The following ZNF708 variants were observed in gnomAD, a reference collection of about 807,000 sequenced individuals.
The protein encoded by ZNF708 is ZNF15, ZNF15L1.
A neutral mutation model predicts 47.0 loss-of-function variants in ZNF708; 44 were observed. The observed-to-expected ratio is 0.94, with a 90% CI of 0.74 to 1.20. ZNF708 has a LOEUF of 1.20. Among genes scored for constraint, ZNF708 ranks in the 50% most tolerant of loss-of-function variants. The pLI is 0.00. For synonymous variants in ZNF708, 184 were observed against 218.5 expected, an observed-to-expected ratio of 0.84 and a Z score of 1.39; for missense variants, 557 against 656.0, an observed-to-expected ratio of 0.85 and a Z score of 1.65.
rs1244706899 is a variant in ZNF708 at position 21,293,644 on chromosome 19, ATTAC to A, written c.1318_1321del (p.Val440PhefsTer56). ...TTTGTAGGGTTTGTCTTCAGTATGA[ATTAC>A]TTTATGTTTAGTAAGGATTGAGAAT... On this transcript the variant is annotated frameshift_variant, in exon 4 of 4. Coordinates refer to ENST00000356929, the MANE Select transcript of ZNF708 (RefSeq NM_021269.3). LOFTEE classifies it high-confidence loss of function. 6.2e-7 allele frequency: 1 copy of A among 1,612,212 alleles called. No individual in the cohort carries two copies. The highest frequency in any genetic ancestry group is 1.7e-5 in the Admixed American group (1 of 59,884).
At chr19:21,294,765 A>G (rs1428610923) in intron 3 of ZNF708, 26 bp from the exon 4 acceptor site, 2 of 1,536,406 alleles carry the variant, frequency 1.3e-6, no homozygotes, top group Non-Finnish European at 1.7e-6. Flanking sequence ...ATAACAAATT[A>G]TTCCATTTAC....
chr19:21,323,532 T>C (rs1019136867), intron 1 of ZNF708, among the ~76,000 whole-genome samples: 1 of 152,262 alleles, frequency 6.6e-6, no homozygotes, highest in Non-Finnish European at 1.5e-5. Context: ...AGCCTTTGTC[T>C]GCCTGAACTT....
At chr19:21,307,546 C>T (rs939738516) in intron 3 of ZNF708, among the ~76,000 whole-genome samples, 2 of 151,826 alleles carry the variant, frequency 1.3e-5, no homozygotes, top group African/African-American at 2.4e-5. Flanking sequence ...CACTTGAACC[C>T]GGGAGGCGGA....
At chr19:21,310,454 A>T (rs777312353) in intron 2 of ZNF708, 47 bp downstream of exon 2, 36 of 941,536 alleles carry the variant, frequency 3.8e-5, no homozygotes, top group Middle Eastern at 4.6e-4. Context: ...CAAAAAAAAA[A>T]ATAATAATAA....
At chr19:21,326,779 A>T (rs1452097413) in intron 1 of ZNF708, among the ~76,000 whole-genome samples, 1 of 152,024 alleles carries the variant, frequency 6.6e-6, no homozygotes, top group Non-Finnish European at 1.5e-5. Context: ...AAAAAATACA[A>T]AAATTAGCTG....
intron 3 of ZNF708, among the ~76,000 whole-genome samples, chr19:21,305,052 C>A (rs902798036): frequency 6.6e-6 from 1 of 151,664 alleles, no homozygotes; most frequent in East Asian, 1.9e-4. Context: ...CGCTCTGTTG[C>A]CAGGCTGGAG....
intron 3 of ZNF708, among the ~76,000 whole-genome samples, chr19:21,302,232 CATA>C (rs1195141258): frequency 3.3e-5 from 5 of 152,058 alleles, no homozygotes; most frequent in African/African-American, 1.2e-4. Context: ...TATTTACTAT[CATA>C]ATGATGGTAC....
chr19:21,328,007 T>C, intron 1 of ZNF708: 1 of 997,250 alleles, frequency 1.0e-6, no homozygotes, highest in African/African-American at 1.7e-5. Flanking sequence ...TGATATTCAC[T>C]AGACACTCTA....
intron 1 of ZNF708, among the ~76,000 whole-genome samples, chr19:21,313,874 T>C (rs1972953300): frequency 6.6e-6 from 1 of 152,202 alleles, no homozygotes; most frequent in Non-Finnish European, 1.5e-5. Flanking sequence ...TTTACTTTTT[T>C]GTGACTTGTG....
chr19:21,322,591 C>G (rs933695375), intron 1 of ZNF708, among the ~76,000 whole-genome samples: 1 of 152,176 alleles, frequency 6.6e-6, no homozygotes, highest in African/African-American at 2.4e-5. Context: ...GCGTGAGCCA[C>G]GGCACCCGGC....
At chr19:21,328,918 G>A (rs990662252) in intron 1 of ZNF708, among the ~76,000 whole-genome samples, 1 of 152,156 alleles carries the variant, frequency 6.6e-6, no homozygotes, top group African/African-American at 2.4e-5. Flanking sequence ...ACCCTCCCAT[G>A]GTCCCTGCAC....
intron 3 of ZNF708, among the ~76,000 whole-genome samples, chr19:21,300,230 C>G (rs1273698780): frequency 7.0e-6 from 1 of 143,250 alleles, no homozygotes; most frequent in African/African-American, 2.5e-5. Context: ...AAAAAAAATG[C>G]TGGGCACGGT....
chr19:21,297,381 G>T (rs1018226882), intron 3 of ZNF708, among the ~76,000 whole-genome samples: 38 of 142,612 alleles, frequency 2.7e-4, no homozygotes, highest in African/African-American at 9.3e-4. Flanking sequence ...AAGCAACTGT[G>T]GTGCAAATAA....
intron 1 of ZNF708, among the ~76,000 whole-genome samples, chr19:21,320,477 G>A (rs1219977867): frequency 6.6e-6 from 1 of 151,416 alleles, no homozygotes; most frequent in Non-Finnish European, 1.5e-5. Flanking sequence ...CCTGAGCTCA[G>A]AAGTTTGAGA....
At chr19:21,309,373 T>A (rs1003625217) in intron 2 of ZNF708, 32 bp from the exon 3 acceptor site, 2 of 1,528,388 alleles carry the variant, frequency 1.3e-6, no homozygotes, top group African/African-American at 2.8e-5. Context: ...ACGTGAATCT[T>A]GCTCATATTC....
intron 2 of ZNF708, among the ~76,000 whole-genome samples, chr19:21,310,105 A>T (rs1289644541): frequency 1.3e-5 from 2 of 152,172 alleles, no homozygotes; most frequent in African/African-American, 4.8e-5. Context: ...CACGCAACAA[A>T]AAAGAGAAAT....
At chr19:21,296,690 T>C (rs888469736) in intron 3 of ZNF708, among the ~76,000 whole-genome samples, 5 of 152,088 alleles carry the variant, frequency 3.3e-5, no homozygotes, top group Non-Finnish European at 5.9e-5. Flanking sequence ...CAAAAATACA[T>C]AACTTTCTGG....
At chr19:21,309,080 T>C (rs1253931356) in intron 3 of ZNF708, among the ~76,000 whole-genome samples, 166 bp downstream of exon 3, 1 of 152,132 alleles carries the variant, frequency 6.6e-6, no homozygotes, top group African/African-American at 2.4e-5. Flanking sequence ...TTTTAAAGAA[T>C]TTAAAAGCAT....
chr19:21,317,413 C>T (rs570131699), intron 1 of ZNF708, among the ~76,000 whole-genome samples: 22 of 152,296 alleles, frequency 1.4e-4, no homozygotes, highest in African/African-American at 5.1e-4. Flanking sequence ...AGATGCAATT[C>T]TTCCTGCATA....
Sources: gnomAD v4.1 joint callset for allele counts (sites outside exome capture counted in the v4.1 genomes callset) on GRCh38, gnomAD v4.1.1 for gene constraint, MANE v1.5 for transcripts, NCBI Gene and HGNC (gene_info 2026-07-23, HGNC 2026-07-21) for gene names.